Variants in CTNNBIP1 observed in about 807,000 individuals in gnomAD.
CTNNBIP1 encodes the protein beta-catenin-interacting protein 1.
CTNNBIP1 carries 7 observed loss-of-function variants against 11.8 expected under a neutral mutation model. That is an observed-to-expected ratio of 0.60 (90% CI 0.34 to 1.12). The LOEUF is 1.12. Ranked by LOEUF, CTNNBIP1 falls within the 50% of genes most tolerant of loss-of-function variation. CTNNBIP1 has a pLI of 0.03. For missense variants in CTNNBIP1, 101 were observed against 113.4 expected (o/e 0.89, Z 0.50); for synonymous variants, 58 against 43.9 (o/e 1.32, Z -1.26).
At position 9,872,229 on chromosome 1, in the gene CTNNBIP1, C is replaced by T. The variant is rs184758270; in HGVS notation, c.-24-141G>A. ...CCTTCTGGGAGCATGGGGCAGGTGG[C>T]GAGGTGCTGGGTTCCTTTCTCACCC... is the stretch of plus-strand genomic sequence containing the variant. On this transcript the variant is annotated intron_variant, in intron 3 of 5. Transcript: ENST00000377263. The surrounding 1 kb of genome is among the most constrained non-coding windows in gnomAD (Gnocchi z 4.0). The T allele has an allele frequency of 1.1e-5, 7 of 636,598 alleles. No individual in the cohort carries two copies. The highest frequency in any genetic ancestry group is 1.8e-5 in the African/African-American group (1 of 55,446). The allele number at this position is 636,598 out of a possible 1,614,324, so 39.4% of individuals were successfully genotyped here.
rs776923810 is a variant in CTNNBIP1 at position 9,908,930 on chromosome 1, G to C, written c.-144+1165C>G. On this transcript the variant is annotated intron_variant, in intron 1 of 5. Transcript: ENST00000377263. ...ATTTGTATTTACAAGGGAGGACCACGAACTCCCCCAGCAAACCGTGAATGA... is the reference window on the plus strand; with the variant it reads ...ATTTGTATTTACAAGGGAGGACCACCAACTCCCCCAGCAAACCGTGAATGA... Among the ~76,000 whole-genome samples, 113 of 152,270 alleles carry C rather than the reference G, an allele frequency of 7.4e-4. 1 individual carries two copies. The Middle Eastern group carries it at 0.014, about 18-fold the overall frequency.
At position 9,849,362 on chromosome 1, in the gene CTNNBIP1, C is replaced by T. The variant is rs1219388715; in HGVS notation, c.*1356G>A. 6.6e-6 allele frequency: 1 copy of T among 152,332 alleles called. No individual in the cohort carries two copies. 9.4% of individuals were successfully genotyped at this position (152,332 alleles called of 1,614,324 possible). On this transcript the variant is annotated 3_prime_UTR_variant, in exon 6 of 6. Coordinates refer to ENST00000377263, the MANE Select transcript of CTNNBIP1 (RefSeq NM_020248.3). Reference sequence around the variant, plus strand: ...ATTTCATAAACAAACGATACTGTCCCTTCCAGGCTGACCTGGAGAGAGACC... The same window carrying T: ...ATTTCATAAACAAACGATACTGTCCTTTCCAGGCTGACCTGGAGAGAGACC...
rs1183814103 is a variant in CTNNBIP1, at chr1:9,850,794, A to C, written c.188-18T>G. 5 of 1,613,382 alleles carry C rather than the reference A, an allele frequency of 3.1e-6. No homozygotes were observed. In the Admixed American group the frequency reaches 6.7e-5, roughly 22 times the overall value. On this transcript the variant is annotated intron_variant, in intron 5 of 5. Coordinates refer to ENST00000377263, the MANE Select transcript of CTNNBIP1 (RefSeq NM_020248.3). The stretch of plus-strand genomic sequence containing the variant: ...CTCTGCACCTGCAGATAAGGCGACA[A>C]GGATCGCTGATGGGGCTTGCAGCAT...
chr1:9,901,070 GTA>G (rs1639511490), intron 1 of CTNNBIP1, among the ~76,000 whole-genome samples: 3 of 152,126 alleles, frequency 2.0e-5, no homozygotes, highest in Non-Finnish European at 4.4e-5. Flanking sequence ...ACAGCTTCAC[GTA>G]TTTAAATCAT....
rs1405954526 is a variant in CTNNBIP1, at chr1:9,871,924, G to A, written c.96+45C>T. The A allele has an allele frequency of 6.5e-7, 1 of 1,541,600 alleles. No homozygotes were observed. The highest frequency in any genetic ancestry group is 1.7e-5 in the Admixed American group (1 of 59,858). ...AGCCCAGCAGGGCCCCTCCCTGGGA[G>A]ACCCTCCCTGGGGGCCCGCTGCCTG... On this transcript the variant is annotated intron_variant, in intron 4 of 5. Transcript: ENST00000377263. This position sits in a 1 kb window ranked among gnomAD's most constrained non-coding sequence, Gnocchi z 5.2.
At chr1:9,878,994 G>A (rs527252983) in intron 2 of CTNNBIP1, among the ~76,000 whole-genome samples, 6 of 152,234 alleles carry the variant, frequency 3.9e-5, no homozygotes, top group African/African-American at 9.6e-5. Context: ...TCAGGCGTTC[G>A]AGACCAGCCT....
intron 1 of CTNNBIP1, chr1:9,893,341 C>G (rs141523769): frequency 6.6e-6 from 1 of 152,132 alleles, no homozygotes; most frequent in Non-Finnish European, 1.5e-5. Flanking sequence ...GCTCAGGAGA[C>G]GAACCACCAT....
chr1:9,879,457 A>G (rs1639038384), intron 2 of CTNNBIP1, among the ~76,000 whole-genome samples: 1 of 152,140 alleles, frequency 6.6e-6, no homozygotes, highest in African/African-American at 2.4e-5. Context: ...AGCCTCCCCT[A>G]AAGTCAGACA....
intron 5 of CTNNBIP1, among the ~76,000 whole-genome samples, chr1:9,861,198 C>T (rs1000346137): frequency 6.6e-6 from 1 of 152,238 alleles, no homozygotes; most frequent in African/African-American, 2.4e-5. Context: ...TACCAACTAG[C>T]ATCTGCTACC....
intron 2 of CTNNBIP1, among the ~76,000 whole-genome samples, chr1:9,878,806 C>T (rs1366843674): frequency 6.6e-6 from 1 of 152,200 alleles, no homozygotes; most frequent in Non-Finnish European, 1.5e-5. Context: ...AGACCCAGTA[C>T]CTCACATCTC....
At chr1:9,889,537 T>G (rs1402219403) in intron 1 of CTNNBIP1, among the ~76,000 whole-genome samples, 1 of 152,134 alleles carries the variant, frequency 6.6e-6, no homozygotes, top group African/African-American at 2.4e-5. Flanking sequence ...CCTCCCTGAT[T>G]CCTGAGACCA....
In CTNNBIP1 at chr1:9,879,436, G is replaced by A. The variant is rs560485084; in HGVS notation, c.-109-1447C>T. Among the ~76,000 whole-genome samples the A allele has an allele frequency of 2.6e-5, 4 of 152,160 alleles. No individual in the cohort carries two copies. The South Asian group carries it at 8.3e-4, about 32-fold the overall frequency. Reference sequence around the variant, plus strand: ...GGAAGACATGTTTTCCAGAGAAAGCGGGATTTCAAAAGCCTCCCCTAAAGT... The same window carrying A: ...GGAAGACATGTTTTCCAGAGAAAGCAGGATTTCAAAAGCCTCCCCTAAAGT... On this transcript the variant is annotated intron_variant, in intron 2 of 5. Coordinates refer to ENST00000377263, the MANE Select transcript of CTNNBIP1 (RefSeq NM_020248.3).
chr1:9,864,477 C>T (rs933253294), intron 5 of CTNNBIP1, among the ~76,000 whole-genome samples: 12 of 152,200 alleles, frequency 7.9e-5, no homozygotes, highest in South Asian at 4.1e-4. Flanking sequence ...TACAGGCGCC[C>T]GCCACCACGC....
intron 1 of CTNNBIP1, among the ~76,000 whole-genome samples, chr1:9,907,972 C>A (rs1639649718): frequency 6.6e-6 from 1 of 152,226 alleles, no homozygotes; most frequent in Non-Finnish European, 1.5e-5. Context: ...CTGCTTAAAA[C>A]CCTCCAATGG....
intron 1 of CTNNBIP1, among the ~76,000 whole-genome samples, chr1:9,902,195 G>A (rs1639535182): frequency 1.3e-5 from 2 of 152,150 alleles, no homozygotes; most frequent in African/African-American, 4.8e-5. Context: ...GCACTGTGGA[G>A]AGCCCGCCTG....
chr1:9,898,754 A>C (rs1639460053), intron 1 of CTNNBIP1, among the ~76,000 whole-genome samples: 1 of 152,210 alleles, frequency 6.6e-6, no homozygotes, highest in South Asian at 2.1e-4. Flanking sequence ...CAGATGCTCT[A>C]GTCCCTTATA....
chr1:9,894,671 G>C (rs764271694), intron 1 of CTNNBIP1, among the ~76,000 whole-genome samples: 1 of 151,826 alleles, frequency 6.6e-6, no homozygotes, highest in Non-Finnish European at 1.5e-5. Context: ...AGGCCTGCAG[G>C]CATGCATCAC....
intron 5 of CTNNBIP1, among the ~76,000 whole-genome samples, chr1:9,866,080 A>G (rs949761291): frequency 1.3e-5 from 2 of 152,234 alleles, no homozygotes; most frequent in Non-Finnish European, 1.5e-5. Flanking sequence ...CAAACATGAC[A>G]AACAATAAGA....
intron 5 of CTNNBIP1, among the ~76,000 whole-genome samples, chr1:9,857,768 T>C (rs1638539843): frequency 6.6e-6 from 1 of 152,164 alleles, no homozygotes; most frequent in Non-Finnish European, 1.5e-5. Flanking sequence ...GCCATTGCAC[T>C]CCAGCATGGA....
Sources: allele counts gnomAD v4.1 joint callset (sites outside exome capture counted in the v4.1 genomes callset), GRCh38; gene constraint gnomAD v4.1.1; non-coding constraint Gnocchi (gnomAD v3.1); transcripts MANE v1.5; gene names NCBI Gene and HGNC (gene_info 2026-07-23, HGNC 2026-07-21).